Variants in GRID1 observed in about 807,000 individuals in gnomAD.
GRID1 encodes glutamate ionotropic receptor delta type subunit 1, also known as glutamate receptor ionotropic, delta-1.
In GRID1, 28 loss-of-function variants were observed where a neutral mutation model predicts 98.0. The ratio of observed to expected loss-of-function variants is 0.29; its 90% confidence interval spans 0.21 to 0.39. The LOEUF is 0.39. GRID1 is among the 10% of genes least tolerant of loss of function. The probability of loss-of-function intolerance (pLI) is 1.00; values close to 1 mark genes in which losing one functional copy is unlikely to be tolerated. For synonymous variants in GRID1, 553 were observed against 538.5 expected, an observed-to-expected ratio of 1.03 and a Z score of -0.37; for missense variants, 1,111 against 1,340.5, an observed-to-expected ratio of 0.83 and a Z score of 2.67.
chr10:85,868,764 C>G (rs1304643611), intron 6 of GRID1, among the ~76,000 whole-genome samples: 4 of 152,196 alleles, frequency 2.6e-5, no homozygotes, highest in African/African-American at 9.7e-5. Flanking sequence ...ACCCTCTATG[C>G]ATGTGACTTT....
At chr10:85,930,268 CTACAAATAACTT>C (rs1222421339) in intron 4 of GRID1, among the ~76,000 whole-genome samples, 2 of 133,668 alleles carry the variant, frequency 1.5e-5, no homozygotes, top group African/African-American at 6.4e-5. Context: ...TTATTTATAA[CTACAAATAACTT>C]GCGGTTATTT....
intron 4 of GRID1, among the ~76,000 whole-genome samples, chr10:85,980,708 A>G (rs950957291): frequency 9.9e-5 from 15 of 152,210 alleles, no homozygotes; most frequent in Admixed American, 4.6e-4. Context: ...GCTGTCCCCA[A>G]GTGGGGTCAG....
chr10:86,271,224 G>C (rs1847180650), intron 2 of GRID1, among the ~76,000 whole-genome samples: 1 of 152,224 alleles, frequency 6.6e-6, no homozygotes, highest in Non-Finnish European at 1.5e-5. Flanking sequence ...ATTGGGTAGA[G>C]TATGTAGAAA....
At chr10:85,609,874 T>C (rs1463130423) in intron 15 of GRID1, among the ~76,000 whole-genome samples, 3 of 152,186 alleles carry the variant, frequency 2.0e-5, no homozygotes, top group Non-Finnish European at 4.4e-5. Flanking sequence ...ATCTAGCGAG[T>C]GGCTCTTTAC....
chr10:85,772,614 G>C (rs1262185409), intron 8 of GRID1, among the ~76,000 whole-genome samples: 4 of 152,056 alleles, frequency 2.6e-5, no homozygotes, highest in African/African-American at 4.8e-5. Context: ...GAAGCAAATA[G>C]ACGCAATAAA....
At chr10:86,339,858 C>T (rs534166239) in intron 2 of GRID1, among the ~76,000 whole-genome samples, 5 of 152,310 alleles carry the variant, frequency 3.3e-5, no homozygotes, top group East Asian at 1.9e-4. Context: ...GCCCTCCTAA[C>T]GCTTCCACTT....
intron 5 of GRID1, among the ~76,000 whole-genome samples, chr10:85,892,815 T>G (rs1048809251): frequency 6.6e-5 from 10 of 152,024 alleles, no homozygotes; most frequent in South Asian, 2.1e-4. Context: ...CACAAACACT[T>G]TCAGAAAATT....
At chr10:85,695,211 A>T (rs1398451164) in intron 12 of GRID1, among the ~76,000 whole-genome samples, 1 of 152,192 alleles carries the variant, frequency 6.6e-6, no homozygotes, top group African/African-American at 2.4e-5. Flanking sequence ...AAGCCTGTGG[A>T]AATGCTGTCT....
chr10:86,283,817 C>T (rs1379143489), intron 2 of GRID1, among the ~76,000 whole-genome samples: 1 of 150,698 alleles, frequency 6.6e-6, no homozygotes, highest in Non-Finnish European at 1.5e-5. Flanking sequence ...TGTATATACA[C>T]ATCTGCCCTC....
intron 4 of GRID1, among the ~76,000 whole-genome samples, chr10:86,050,501 G>A (rs1361478198): frequency 6.6e-6 from 1 of 152,108 alleles, no homozygotes; most frequent in Non-Finnish European, 1.5e-5. Context: ...TTTAACAAGA[G>A]TGCAGTACAA....
chr10:86,360,682 C>G (rs1045562677), intron 2 of GRID1, among the ~76,000 whole-genome samples: 1 of 152,188 alleles, frequency 6.6e-6, no homozygotes, highest in Admixed American at 6.5e-5. Context: ...ACAGAACACC[C>G]ACCGCAGGCC....
intron 5 of GRID1, among the ~76,000 whole-genome samples, chr10:85,886,507 A>C (rs1233787294): frequency 6.6e-6 from 1 of 152,214 alleles, no homozygotes; most frequent in Admixed American, 6.5e-5. Context: ...ACTGTATCCA[A>C]AACAGCCAAT....
chr10:86,026,879 A>T (rs2131890313), intron 4 of GRID1, among the ~76,000 whole-genome samples: 1 of 152,344 alleles, frequency 6.6e-6, no homozygotes, highest in Non-Finnish European at 1.5e-5. Flanking sequence ...GAGAAAATGC[A>T]TGACATGCTC....
intron 12 of GRID1, among the ~76,000 whole-genome samples, chr10:85,661,253 T>G (rs1489516738): frequency 2.0e-5 from 3 of 151,968 alleles, no homozygotes; most frequent in Non-Finnish European, 4.4e-5. Context: ...ATTTACATTC[T>G]CTGCTTAGCC....
chr10:85,610,280 C>A (rs573946408), intron 15 of GRID1, among the ~76,000 whole-genome samples: 1 of 152,268 alleles, frequency 6.6e-6, no homozygotes, highest in South Asian at 2.1e-4. Flanking sequence ...TCGTTTTGAG[C>A]CGTTTCCTGC....
chr10:86,279,692 G>GA (rs1745160701), intron 2 of GRID1, among the ~76,000 whole-genome samples: 1 of 152,016 alleles, frequency 6.6e-6, no homozygotes, highest in African/African-American at 2.4e-5. Flanking sequence ...CCTAAGATCA[G>GA]AAAAAAGGAT....
chr10:85,954,716 C>T (rs939678361), intron 4 of GRID1, among the ~76,000 whole-genome samples: 4 of 152,278 alleles, frequency 2.6e-5, no homozygotes, highest in Admixed American at 6.5e-5. Flanking sequence ...CAGGTCCTTC[C>T]GAACTGGCAG....
chr10:85,794,851 T>A (rs1259358426), intron 8 of GRID1, among the ~76,000 whole-genome samples: 3 of 152,160 alleles, frequency 2.0e-5, no homozygotes, highest in Admixed American at 1.3e-4. Flanking sequence ...AGTGTGAAGC[T>A]GACATACTGC....
At chr10:85,846,433 A>G (rs1843007997) in intron 8 of GRID1, among the ~76,000 whole-genome samples, 1 of 152,210 alleles carries the variant, frequency 6.6e-6, no homozygotes, top group Non-Finnish European at 1.5e-5. Flanking sequence ...CTGCGGCACA[A>G]GAATCACTTG....
Sources: allele counts gnomAD v4.1 joint callset (sites outside exome capture counted in the v4.1 genomes callset), GRCh38; gene constraint gnomAD v4.1.1; transcripts MANE v1.5; gene names NCBI Gene and HGNC (gene_info 2026-07-23, HGNC 2026-07-21).